Variants in RICTOR observed in about 807,000 individuals in gnomAD.
The protein encoded by RICTOR is rapamycin-insensitive companion of mTOR.
Under a neutral mutation model 214.9 loss-of-function variants are expected in RICTOR, and 49 were observed. The observed-to-expected ratio is 0.23, with a 90% CI of 0.18 to 0.29. The LOEUF is 0.29. RICTOR is among the 10% of genes least tolerant of loss of function. The pLI, the probability that RICTOR is intolerant of heterozygous loss-of-function variation, is 1.00. For synonymous variants in RICTOR, 717 were observed against 711.3 expected, an observed-to-expected ratio of 1.01 and a Z score of -0.13; for missense variants, 1,625 against 2,047.0, an observed-to-expected ratio of 0.79 and a Z score of 3.98.
At position 38,944,679 on chromosome 5, in the gene RICTOR, C is replaced by T. The variant is rs965873460; in HGVS notation, c.4790-110G>A. 7.1e-5 allele frequency: 70 copies of T among 983,544 alleles called. No individual in the cohort carries two copies. In the Admixed American group the frequency reaches 1.7e-3, roughly 23 times the overall value. 60.9% of individuals were successfully genotyped at this position (983,544 alleles called of 1,614,324 possible). The stretch of plus-strand genomic sequence containing the variant: ...CCTAAAGACCTAGAGATCAATTACA[C>T]ATGATCTACCAATCATTTTGGGAGC... On this transcript the variant is annotated intron_variant, in intron 35 of 37. Transcript: ENST00000357387.
At chr5:38,943,156 G>A in intron 36 of RICTOR, 185 bp from the exon 37 acceptor site, 1 of 364,622 alleles carries the variant, frequency 2.7e-6, no homozygotes, top group Non-Finnish European at 4.7e-6. Flanking sequence ...TTCTGAGTTT[G>A]GGTTTTTTTT....
intron 10 of RICTOR, among the ~76,000 whole-genome samples, chr5:38,974,274 C>T (rs891163523): frequency 5.3e-5 from 8 of 151,728 alleles, no homozygotes; most frequent in Non-Finnish European, 1.5e-5. Flanking sequence ...GGTCTTGAAC[C>T]CTTGACCTCA....
intron 2 of RICTOR, among the ~76,000 whole-genome samples, chr5:39,036,164 A>G (rs895524293): frequency 2.6e-5 from 4 of 152,232 alleles, no homozygotes; most frequent in Non-Finnish European, 5.9e-5. Context: ...CGAATATTCA[A>G]CATTCTAAAA....
At chr5:38,966,894 G>C (rs1277311664) in intron 14 of RICTOR, 173 bp from the exon 15 acceptor site, 1 of 584,438 alleles carries the variant, frequency 1.7e-6, no homozygotes, top group East Asian at 2.8e-5. Flanking sequence ...TCTGCCTTCC[G>C]GGTTCAAGCA....
chr5:39,026,118 G>C (rs1675349822), intron 2 of RICTOR, among the ~76,000 whole-genome samples: 1 of 152,162 alleles, frequency 6.6e-6, no homozygotes, highest in South Asian at 2.1e-4. Context: ...AAAAGTATCA[G>C]GTCAGAAATA....
chr5:39,052,964 A>G (rs759203973), intron 2 of RICTOR, among the ~76,000 whole-genome samples: 1 of 152,246 alleles, frequency 6.6e-6, no homozygotes, highest in Non-Finnish European at 1.5e-5. Context: ...CAAGGGATAA[A>G]TATCAAATAA....
chr5:38,942,155 C>T lies in RICTOR; in HGVS notation c.*149G>A. On this transcript the variant is annotated 3_prime_UTR_variant, in exon 38 of 38. Transcript: ENST00000357387. ...GTTTTGGTTAGGAAAGTCAGCAGTT[C>T]CAACTGTTCATGTACCAGTAACTGC... 1 of 444,748 alleles carries T rather than the reference C, an allele frequency of 2.2e-6. No homozygotes were observed. The allele number at this position is 444,748 out of a possible 1,614,324, so 27.6% of individuals were successfully genotyped here.
At position 38,962,323 on chromosome 5, in the gene RICTOR, C is replaced by G. The variant is rs753183261; in HGVS notation, c.1707G>C (p.Gln569His). Reference protein sequence around the residue: ...NVNLRNYKDEQLHRFVRRLLY... With the variant: ...NVNLRNYKDEHLHRFVRRLLY... ...AAATAGTTCTTACATACCTGTGTAA[C>G]TGTTCATCTTTATAGTTTCTTAGAT... The change falls in exon 19 of 38, where the codon CAG becomes CAC. Residue 569 changes from glutamine to histidine, a missense_variant. Coordinates refer to ENST00000357387, the MANE Select transcript of RICTOR (RefSeq NM_152756.5). 7.0e-7 allele frequency: 1 copy of G among 1,421,088 alleles called. No homozygotes were observed. Among genetic ancestry groups the G allele is most frequent in the Non-Finnish European group, 9.8e-7 (1 of 1,021,218 alleles). 88.0% of individuals were successfully genotyped at this position (1,421,088 alleles called of 1,614,324 possible). A position where few individuals can be genotyped will look rare whatever the true frequency, so the allele number is the denominator to read the frequency against.
At chr5:39,066,020 ACT>A (rs1391821136) in intron 2 of RICTOR, among the ~76,000 whole-genome samples, 1 of 152,058 alleles carries the variant, frequency 6.6e-6, no homozygotes, top group Non-Finnish European at 1.5e-5. Context: ...CCCACTGGGG[ACT>A]CTGGGGGGCT....
At chr5:39,015,147 C>T (rs1754848773) in intron 3 of RICTOR, among the ~76,000 whole-genome samples, 2 of 152,098 alleles carry the variant, frequency 1.3e-5, no homozygotes. Context: ...GCATATCTAT[C>T]AAATAATGGA....
intron 7 of RICTOR, among the ~76,000 whole-genome samples, chr5:38,990,673 AT>A (rs1752604577): frequency 9.3e-6 from 1 of 107,244 alleles, no homozygotes; most frequent in African/African-American, 3.7e-5. Flanking sequence ...TCAGATATAT[AT>A]CAGATATATC....
chr5:39,003,826 T>C (rs1034995648), intron 3 of RICTOR, among the ~76,000 whole-genome samples: 1 of 152,178 alleles, frequency 6.6e-6, no homozygotes, highest in African/African-American at 2.4e-5. Context: ...TAATCTTTTA[T>C]CTTTCCTGCC....
chr5:38,990,999 T>C lies in RICTOR; in HGVS notation c.533A>G (p.Gln178Arg). The C allele has an allele frequency of 6.2e-7, 1 of 1,608,326 alleles. No individual in the cohort carries two copies. The change falls in exon 7 of 38, where the codon CAA becomes CGA. Residue 178 changes from glutamine to arginine, a missense_variant. Gln to Arg is a conservative substitution (Grantham distance 43). Around this residue, in one of 5 missense-constraint regions of RICTOR, gnomAD observed 258 missense variants for 393.7 expected, o/e 0.66. Transcript: ENST00000357387. ...TGCTCGGACCATTCTGTCTCTTTCT[T>C]GAAGTCCATCATTTCCAACTGCAAT... ...SLIAVGNDGL[Q>R]ERDRMVRACI...
chr5:38,958,393 G>T, intron 24 of RICTOR, 50 bp downstream of exon 24: 1 of 1,198,206 alleles, frequency 8.3e-7, no homozygotes, highest in Non-Finnish European at 1.2e-6. Context: ...AATATACACT[G>T]CCAAAGAACA....
chr5:39,023,517 T>G (rs1561543432), intron 2 of RICTOR, among the ~76,000 whole-genome samples: 1 of 152,152 alleles, frequency 6.6e-6, no homozygotes, highest in South Asian at 2.1e-4. Flanking sequence ...CGGAATAGAG[T>G]GTCAATTTCT....
In RICTOR at chr5:38,942,262, G is replaced by T; in HGVS notation, c.*42C>A. ...AGGCTTTTAGGAAATCCACAAATAT[G>T]AATATATATAGTATGTATCTATATC... On this transcript the variant is annotated 3_prime_UTR_variant, in exon 38 of 38. Coordinates refer to ENST00000357387, the MANE Select transcript of RICTOR (RefSeq NM_152756.5). 8.5e-7 allele frequency: 1 copy of T among 1,177,624 alleles called. No individual in the cohort carries two copies. The highest frequency in any genetic ancestry group is 1.6e-5 in the South Asian group (1 of 62,606). The allele number at this position is 1,177,624 out of a possible 1,614,324, so 72.9% of individuals were successfully genotyped here.
Position 39,002,556 on chromosome 5 carries a change from T to C in RICTOR, c.371A>G (p.Lys124Arg). Residue 124 changes from lysine (K) to arginine (R), a missense_variant, in exon 5 of 38, where the codon AAA becomes AGA. Coordinates refer to ENST00000357387, the MANE Select transcript of RICTOR (RefSeq NM_152756.5). ...SSILQKVLKL[K>R]VDYLIARCID... ...TTACCTAGCTATTAAATAGTCCACT[T>C]TCAATTTTAGCACCTTCTGGAGAAT... 1.2e-6 allele frequency: 2 copies of C among 1,609,138 alleles called. No homozygotes were observed. Among genetic ancestry groups the C allele is most frequent in the Non-Finnish European group, 1.7e-6 (2 of 1,177,262 alleles).
intron 2 of RICTOR, among the ~76,000 whole-genome samples, chr5:39,039,891 T>C (rs563849187): frequency 3.7e-4 from 56 of 152,040 alleles, no homozygotes; most frequent in Middle Eastern, 6.8e-3. Flanking sequence ...AGTTCAACCA[T>C]TGTGGAAGTC....
chr5:38,946,573 T>C (rs1748228523), intron 32 of RICTOR, 21 bp from the exon 33 acceptor site: 3 of 1,421,530 alleles, frequency 2.1e-6, no homozygotes, highest in Non-Finnish European at 2.0e-6. Context: ...ATATAAACCA[T>C]GGTAAGTCCT....
Sources: allele counts gnomAD v4.1 joint callset (sites outside exome capture counted in the v4.1 genomes callset), GRCh38; gene constraint gnomAD v4.1.1; regional missense constraint gnomAD v4.1.1; transcripts MANE v1.5; gene names NCBI Gene and HGNC (gene_info 2026-07-23, HGNC 2026-07-21).